TAF1: variants seen among roughly 807,000 people sequenced by gnomAD.
TAF1 encodes TATA-box binding protein associated factor 1, also known as transcription initiation factor TFIID subunit 1.
Under a neutral mutation model 138.5 loss-of-function variants are expected in TAF1, and 2 were observed. That is an observed-to-expected ratio of 0.01 (90% CI 0.01 to 0.05). The LOEUF is 0.05. Ranked by LOEUF, TAF1 falls within the 10% of genes least tolerant of loss-of-function variation. The pLI, the probability that TAF1 is intolerant of heterozygous loss-of-function variation, is 1.00. For missense variants in TAF1, 709 were observed against 1,478.0 expected, an observed-to-expected ratio of 0.48 and a Z score of 8.53; for synonymous variants, 437 against 503.2, an observed-to-expected ratio of 0.87 and a Z score of 1.76.
At chrX:71,433,866 T>C (rs1291370403) in intron 32 of TAF1, among the ~76,000 whole-genome samples, 2 of 109,919 alleles carry the variant, frequency 1.8e-5, no homozygotes, top group African/African-American at 3.3e-5. Flanking sequence ...GATGAGAGAA[T>C]AGGAAACTTC....
intron 23 of TAF1, 21 bp downstream of exon 23, chrX:71,397,487 C>T (rs1236344035): frequency 4.1e-6 from 5 of 1,209,331 alleles, no homozygotes; most frequent in Non-Finnish European, 5.6e-6. Flanking sequence ...TTTACCACTT[C>T]CTTTTTTTTC....
At chrX:71,499,563 T>C (rs945242630) in intron 13 of TAF1, among the ~76,000 whole-genome samples, 1 of 112,370 alleles carries the variant, frequency 8.9e-6, no homozygotes, top group Non-Finnish European at 1.9e-5. Context: ...TTCCCTGAGT[T>C]ATGGTGGAAA....
intron 25 of TAF1, among the ~76,000 whole-genome samples, chrX:71,403,219 G>A (rs1217894228): frequency 1.8e-5 from 2 of 110,466 alleles, no homozygotes; most frequent in African/African-American, 3.3e-5. Context: ...TGTAGAGACA[G>A]GATTTTGCCA....
chrX:71,410,744 A>G (rs1415117364), intron 28 of TAF1, among the ~76,000 whole-genome samples: 1 of 110,360 alleles, frequency 9.1e-6, no homozygotes, highest in Non-Finnish European at 1.9e-5. Context: ...GGCATGAGAC[A>G]CTGCACCCGG....
chrX:71,444,301 C>T (rs1451076605), intron 32 of TAF1, among the ~76,000 whole-genome samples: 1 of 112,282 alleles, frequency 8.9e-6, no homozygotes, highest in African/African-American at 3.2e-5. Context: ...AGCCACCTCG[C>T]TCGGCCTGTT....
At chrX:71,470,463 G>A (rs959995162), downstream of TAF1, among the ~76,000 whole-genome samples, 2 of 108,676 alleles carry the variant, frequency 1.8e-5, no homozygotes, top group East Asian at 3.0e-4. Context: ...GGATGGTCTC[G>A]ATCTCCTGAC....
At chrX:71,403,900 GT>G (rs1170586346) in intron 25 of TAF1, among the ~76,000 whole-genome samples, 19 of 70,856 alleles carry the variant, frequency 2.7e-4, no homozygotes, top group African/African-American at 4.2e-4. Context: ...CAGATCCTGT[GT>G]TTTTTTTTTC....
chrX:71,409,403 A>G (rs2035652495), intron 28 of TAF1, among the ~76,000 whole-genome samples: 1 of 111,354 alleles, frequency 9.0e-6, no homozygotes, highest in African/African-American at 3.3e-5. Flanking sequence ...TGCTAGGATT[A>G]CAGGCATGAG....
At chrX:71,460,156 G>A (rs1433453602) in intron 36 of TAF1, among the ~76,000 whole-genome samples, 1 of 111,800 alleles carries the variant, frequency 8.9e-6, no homozygotes, top group African/African-American at 3.3e-5. Flanking sequence ...CAGGAGGATC[G>A]CTTGAGCCCA....
downstream of TAF1, among the ~76,000 whole-genome samples, chrX:71,468,316 C>A (rs770448221): frequency 1.6e-3 from 178 of 109,965 alleles, no homozygotes; most frequent in African/African-American, 5.5e-3. Flanking sequence ...GAAAATTATC[C>A]TAAGGAAATA....
At chrX:71,496,599 C>G (rs893856248) in intron 13 of TAF1, among the ~76,000 whole-genome samples, 1 of 108,758 alleles carries the variant, frequency 9.2e-6, no homozygotes, top group East Asian at 2.9e-4. Flanking sequence ...CTCTGCCTGC[C>G]TCTCTCTTTG....
At chrX:71,378,562 G>A (rs1221796201) in intron 7 of TAF1, 109 bp downstream of exon 7, 2 of 920,986 alleles carry the variant, frequency 2.2e-6, no homozygotes, top group African/African-American at 4.0e-5. Flanking sequence ...TTTCTTTGGT[G>A]GGAGATTGAG....
chrX:71,440,022 C>A (rs73543096), intron 32 of TAF1, among the ~76,000 whole-genome samples: 1,305 of 111,224 alleles, frequency 0.012, 20 homozygotes, highest in African/African-American at 0.041. Flanking sequence ...CCTGTAACCA[C>A]CACCACAATC....
intron 37 of TAF1, among the ~76,000 whole-genome samples, chrX:71,462,035 G>A (rs934379993): frequency 1.8e-5 from 2 of 111,729 alleles, no homozygotes; most frequent in Non-Finnish European, 3.8e-5. Context: ...GAGAACACAC[G>A]TAGCTCAGTG....
At chrX:71,491,043 G>GTTTTTTTTTTTTT (rs1187463669) in intron 13 of TAF1, 2 of 45,720 alleles carry the variant, frequency 4.4e-5, no homozygotes, top group African/African-American at 8.6e-5. Context: ...TGTTGTTGTT[G>GTTTTTTTTTTTTT]TTTTTTTTTT....
At chrX:71,421,110 T>C (rs1328180668) in intron 28 of TAF1, among the ~76,000 whole-genome samples, 199 bp from the exon 29 acceptor site, 2 of 112,756 alleles carry the variant, frequency 1.8e-5, no homozygotes, top group Non-Finnish European at 3.7e-5. Flanking sequence ...AAAGTTAGTT[T>C]ATTCATTCAT....
At chrX:71,394,915 C>T (rs972105691) in intron 22 of TAF1, among the ~76,000 whole-genome samples, 1 of 111,913 alleles carries the variant, frequency 8.9e-6, no homozygotes, top group Non-Finnish European at 1.9e-5. Flanking sequence ...AGGATGGTGT[C>T]GAACTCCTGA....
At chrX:71,397,028 C>CA (rs745812030) in intron 22 of TAF1, among the ~76,000 whole-genome samples, 2,574 of 28,662 alleles carry the variant, frequency 0.09, 88 homozygotes, top group African/African-American at 0.12. Context: ...GATCCTGTCT[C>CA]AAAAAAAAAA....
At chrX:71,420,520 GATCACT>G in intron 28 of TAF1, 9 of 1,205,186 alleles carry the variant, frequency 7.5e-6, no homozygotes, top group Non-Finnish European at 1.1e-6. Flanking sequence ...TCAATGACAT[GATCACT>G]GGGCCAGCAT....
Sources: allele counts gnomAD v4.1 joint callset (sites outside exome capture counted in the v4.1 genomes callset), GRCh38; gene constraint gnomAD v4.1.1; transcripts MANE v1.5; gene names NCBI Gene and HGNC (gene_info 2026-07-23, HGNC 2026-07-21).